Variants in FAM184B observed in about 807,000 individuals in gnomAD.
FAM184B encodes the protein family with sequence similarity 184 member B, also known as protein FAM184B.
FAM184B carries 111 observed loss-of-function variants against 135.9 expected under a neutral mutation model. The observed-to-expected ratio is 0.82, with a 90% CI of 0.70 to 0.96. The LOEUF is 0.96. Among genes scored for constraint, FAM184B ranks in the 40% least tolerant of loss-of-function variants. FAM184B has a pLI of 0.00. For synonymous variants in FAM184B, 552 were observed against 524.8 expected (o/e 1.05, Z -0.71); for missense variants, 1,375 against 1,323.9 (o/e 1.04, Z -0.60).
At chr4:17,664,785 A>C in intron 7 of FAM184B, 126 bp from the exon 8 acceptor site, 2 of 717,504 alleles carry the variant, frequency 2.8e-6, no homozygotes, top group East Asian at 2.7e-5. Flanking sequence ...GCAACCCACT[A>C]TCGGTGCCCT....
At chr4:17,711,486 TAAAACA>T (rs1303850698) in intron 1 of FAM184B, among the ~76,000 whole-genome samples, 3 of 147,244 alleles carry the variant, frequency 2.0e-5, no homozygotes, top group African/African-American at 7.4e-5. Context: ...TCAAAAAAAA[TAAAACA>T]AAAACAAAAA....
intron 2 of FAM184B, 115 bp from the exon 3 acceptor site, chr4:17,707,899 G>A: frequency 8.4e-7 from 1 of 1,193,670 alleles, no homozygotes; most frequent in Non-Finnish European, 1.2e-6. Context: ...CAGAAGCCCT[G>A]AGTCAGTGGA....
intron 1 of FAM184B, among the ~76,000 whole-genome samples, chr4:17,725,465 A>G (rs956447819): frequency 2.0e-5 from 3 of 152,206 alleles, no homozygotes; most frequent in Admixed American, 1.3e-4. Flanking sequence ...TCTTTCACAG[A>G]CACATCTAGT....
At chr4:17,682,386 G>A (rs1014100844) in intron 7 of FAM184B, among the ~76,000 whole-genome samples, 1 of 152,178 alleles carries the variant, frequency 6.6e-6, no homozygotes, top group Non-Finnish European at 1.5e-5. Context: ...TCACACCCAC[G>A]TTTGGCAGCC....
intron 14 of FAM184B, among the ~76,000 whole-genome samples, chr4:17,638,261 T>C (rs1227623157): frequency 6.7e-6 from 1 of 149,864 alleles, no homozygotes; most frequent in Non-Finnish European, 1.5e-5. Context: ...CAATCACAGA[T>C]CACTGCAACC....
chr4:17,651,163 T>C (rs538413765), intron 11 of FAM184B, among the ~76,000 whole-genome samples: 2 of 152,164 alleles, frequency 1.3e-5, no homozygotes, highest in South Asian at 4.1e-4. Context: ...GTAAGAAAGA[T>C]GACAGTAAAG....
chr4:17,682,691 G>T lies in FAM184B; in HGVS notation c.1596+5733C>A, dbSNP rs188276439. ...TTTTTGTATTTTCAGTAGAGACGAGGTTTTGCCATGTTGCTCAGGCTGGTC... is the reference window on the plus strand; with the variant it reads ...TTTTTGTATTTTCAGTAGAGACGAGTTTTTGCCATGTTGCTCAGGCTGGTC... On this transcript the variant is annotated intron_variant, in intron 7 of 17. Transcript: ENST00000265018. 1.8e-4 allele frequency among the ~76,000 whole-genome samples: 27 copies of T among 152,154 alleles called. 1 individual carries two copies. In the East Asian group the frequency reaches 4.6e-3, roughly 26 times the overall value.
At chr4:17,662,569 C>T (rs1322911583) in intron 8 of FAM184B, among the ~76,000 whole-genome samples, 1 of 152,152 alleles carries the variant, frequency 6.6e-6, no homozygotes, top group African/African-American at 2.4e-5. Flanking sequence ...AACTCCTGTC[C>T]TCAGGTGATC....
intron 5 of FAM184B, among the ~76,000 whole-genome samples, chr4:17,699,487 G>A (rs1716936927): frequency 6.6e-6 from 1 of 152,070 alleles, no homozygotes; most frequent in Non-Finnish European, 1.5e-5. Flanking sequence ...ACAAGGAAAA[G>A]AAGATAAATG....
chr4:17,637,450 C>T (rs1046091037), intron 14 of FAM184B, among the ~76,000 whole-genome samples: 6 of 152,138 alleles, frequency 3.9e-5, no homozygotes, highest in East Asian at 1.9e-4. Flanking sequence ...TGAGATGACC[C>T]GGCTCTAATA....
At chr4:17,713,957 G>C (rs1717348441) in intron 1 of FAM184B, among the ~76,000 whole-genome samples, 1 of 152,166 alleles carries the variant, frequency 6.6e-6, no homozygotes, top group Non-Finnish European at 1.5e-5. Flanking sequence ...AGTTACTATG[G>C]AAACACAGAG....
chr4:17,696,302 G>C (rs977394505), intron 5 of FAM184B, among the ~76,000 whole-genome samples: 2 of 152,190 alleles, frequency 1.3e-5, no homozygotes, highest in Non-Finnish European at 2.9e-5. Flanking sequence ...GGAAAATTTA[G>C]TTCCTAGTAC....
At chr4:17,746,645 T>C (rs1718172150) in intron 1 of FAM184B, among the ~76,000 whole-genome samples, 1 of 150,860 alleles carries the variant, frequency 6.6e-6, no homozygotes, top group Non-Finnish European at 1.5e-5. Context: ...GGCAGGAGAA[T>C]GGTGTGGACT....
chr4:17,647,578 C>G (rs985415890), intron 12 of FAM184B, 59 bp downstream of exon 12: 1 of 1,510,950 alleles, frequency 6.6e-7, no homozygotes, highest in Non-Finnish European at 8.9e-7. Flanking sequence ...GGGCTTCTTA[C>G]TGCGGCCCTG....
chr4:17,656,221 A>G (rs1321264849), intron 10 of FAM184B, among the ~76,000 whole-genome samples: 1 of 152,188 alleles, frequency 6.6e-6, no homozygotes, highest in Admixed American at 6.5e-5. Flanking sequence ...TCAGGGATAC[A>G]CAAAGGTCCA....
chr4:17,717,830 A>C (rs996297702), intron 1 of FAM184B, among the ~76,000 whole-genome samples: 1 of 152,174 alleles, frequency 6.6e-6, no homozygotes, highest in South Asian at 2.1e-4. Flanking sequence ...GAGGGCCCAG[A>C]GTATGACATT....
At chr4:17,721,620 G>A (rs911248262) in intron 1 of FAM184B, among the ~76,000 whole-genome samples, 3 of 152,114 alleles carry the variant, frequency 2.0e-5, no homozygotes, top group Admixed American at 6.5e-5. Flanking sequence ...GCATTGGCAG[G>A]GAAGAGGAGC....
At chr4:17,639,441 T>C (rs1055442924) in intron 13 of FAM184B, 45 bp from the exon 14 acceptor site, 1 of 1,545,840 alleles carries the variant, frequency 6.5e-7, no homozygotes, top group African/African-American at 1.4e-5. Flanking sequence ...GCTCCAGGGA[T>C]GGCACCCCTT....
intron 8 of FAM184B, among the ~76,000 whole-genome samples, chr4:17,662,557 T>C (rs1715943095): frequency 6.6e-6 from 1 of 152,210 alleles, no homozygotes; most frequent in South Asian, 2.1e-4. Flanking sequence ...AGGCTGGTCT[T>C]GAACTCCTGT....
Sources: gnomAD v4.1 joint callset for allele counts (sites outside exome capture counted in the v4.1 genomes callset) on GRCh38, gnomAD v4.1.1 for gene constraint, MANE v1.5 for transcripts, NCBI Gene and HGNC (gene_info 2026-07-23, HGNC 2026-07-21) for gene names.